The following STPG2 variants were observed in gnomAD, a reference collection of about 807,000 sequenced individuals.
The protein encoded by STPG2 is sperm-tail PG-rich repeat-containing protein 2.
A neutral mutation model predicts 54.2 loss-of-function variants in STPG2; 56 were observed. The ratio of observed to expected loss-of-function variants is 1.03; its 90% confidence interval spans 0.83 to 1.29. The LOEUF is 1.29. Among genes scored for constraint, STPG2 ranks in the 50% most tolerant of loss-of-function variants. The pLI is 0.00. For missense variants in STPG2, 596 were observed against 544.9 expected, an observed-to-expected ratio of 1.09 and a Z score of -0.93; for synonymous variants, 200 against 181.8, an observed-to-expected ratio of 1.10 and a Z score of -0.81.
chr4:97,795,107 C>G (rs1281506659), intron 9 of STPG2, among the ~76,000 whole-genome samples: 1 of 152,056 alleles, frequency 6.6e-6, no homozygotes, highest in Admixed American at 6.6e-5. Flanking sequence ...TTCCTTGATT[C>G]TCTGAATTTC....
At chr4:97,502,569 C>A (rs1730748695) in intron 4 of STPG2, among the ~76,000 whole-genome samples, 1 of 151,006 alleles carries the variant, frequency 6.6e-6, no homozygotes, top group African/African-American at 2.4e-5. Flanking sequence ...TAAATCCAGA[C>A]AAACAAAAGA....
intron 10 of STPG2, among the ~76,000 whole-genome samples, chr4:97,708,415 G>A (rs1724017354): frequency 6.6e-6 from 1 of 151,846 alleles, no homozygotes; most frequent in Non-Finnish European, 1.5e-5. Context: ...GAAGTAAAGG[G>A]AAATATGGCT....
At chr4:97,529,876 A>G (rs1731375445) in intron 4 of STPG2, among the ~76,000 whole-genome samples, 1 of 152,110 alleles carries the variant, frequency 6.6e-6, no homozygotes. Context: ...TTCCTCAAAG[A>G]GACTTTTCAT....
chr4:97,567,368 G>A (rs1732480523), intron 10 of STPG2, among the ~76,000 whole-genome samples: 1 of 150,678 alleles, frequency 6.6e-6, no homozygotes, highest in Non-Finnish European at 1.5e-5. Context: ...TTGCTGGTGA[G>A]AATGCAAATT....
chr4:97,901,300 G>T (rs1311190737), intron 8 of STPG2, among the ~76,000 whole-genome samples: 1 of 151,762 alleles, frequency 6.6e-6, no homozygotes, highest in East Asian at 1.9e-4. Flanking sequence ...TGCCCACTTT[G>T]CCACTTCAAT....
chr4:98,040,280 C>T (rs1439729146), intron 5 of STPG2, among the ~76,000 whole-genome samples: 1 of 151,926 alleles, frequency 6.6e-6, no homozygotes, highest in African/African-American at 2.4e-5. Flanking sequence ...TGTCTGTTCA[C>T]TCTGTTGATT....
intron 10 of STPG2, among the ~76,000 whole-genome samples, chr4:97,692,059 C>G (rs1456404658): frequency 6.6e-6 from 1 of 152,120 alleles, no homozygotes; most frequent in African/African-American, 2.4e-5. Flanking sequence ...GATTTTCCCT[C>G]TGATATAGTC....
At chr4:97,560,745 A>AC (rs1343254657) in intron 10 of STPG2, among the ~76,000 whole-genome samples, 4 of 152,202 alleles carry the variant, frequency 2.6e-5, no homozygotes, top group African/African-American at 9.7e-5. Context: ...AGCCAGTACA[A>AC]CATAGTAAAG....
At chr4:97,533,146 G>T (rs1731453522) in intron 4 of STPG2, among the ~76,000 whole-genome samples, 1 of 152,124 alleles carries the variant, frequency 6.6e-6, no homozygotes, top group Non-Finnish European at 1.5e-5. Context: ...CTCCCAAAGT[G>T]CTGGGATTAC....
chr4:97,699,842 G>A (rs1332412773), intron 10 of STPG2, among the ~76,000 whole-genome samples: 1 of 152,190 alleles, frequency 6.6e-6, no homozygotes, highest in Non-Finnish European at 1.5e-5. Context: ...CATCAGTGGA[G>A]ACCATGGGCA....
chr4:97,716,394 C>A (rs59718653), intron 9 of STPG2, among the ~76,000 whole-genome samples: 4 of 152,244 alleles, frequency 2.6e-5, no homozygotes, highest in African/African-American at 9.6e-5. Context: ...AAGACACATG[C>A]ACACGTATGT....
rs3852122 is a variant in STPG2 at position 97,776,249 on chromosome 4, T to G, written c.1205-63435A>C. On this transcript the variant is annotated intron_variant, in intron 9 of 10. Coordinates refer to ENST00000295268, the MANE Select transcript of STPG2 (RefSeq NM_174952.3). ...TAGGAACATTATTATAAGTTAAACCTATAAGGTAGGCACTAATAGTATCAT... is the reference window on the plus strand; with the variant it reads ...TAGGAACATTATTATAAGTTAAACCGATAAGGTAGGCACTAATAGTATCAT... Among the ~76,000 whole-genome samples the G allele has an allele frequency of 7.9e-3, 1,200 of 152,064 alleles. 14 individuals are homozygous for G. The highest frequency in any genetic ancestry group is 0.027 in the African/African-American group (1,122 of 41,474).
intron 5 of STPG2, among the ~76,000 whole-genome samples, chr4:98,016,908 G>A (rs1735966147): frequency 6.6e-6 from 1 of 152,138 alleles, no homozygotes; most frequent in Admixed American, 6.6e-5. Flanking sequence ...GCTTCAGCAG[G>A]GAACATCCAT....
At chr4:97,598,078 T>G (rs1019758511) in intron 10 of STPG2, among the ~76,000 whole-genome samples, 1 of 151,766 alleles carries the variant, frequency 6.6e-6, no homozygotes, top group Admixed American at 6.6e-5. Flanking sequence ...TCAGTAGCAT[T>G]CTCATACACC....
chr4:97,881,334 T>C (rs1730367431), intron 8 of STPG2, among the ~76,000 whole-genome samples: 1 of 152,114 alleles, frequency 6.6e-6, no homozygotes, highest in African/African-American at 2.4e-5. Context: ...CTCTAAAAGG[T>C]AAAAATGTTA....
chr4:97,861,528 T>G (rs538016698), intron 8 of STPG2, among the ~76,000 whole-genome samples: 1 of 152,208 alleles, frequency 6.6e-6, no homozygotes, highest in Admixed American at 6.6e-5. Context: ...AAGAAATCAG[T>G]ATATCAAAGA....
intron 9 of STPG2, among the ~76,000 whole-genome samples, chr4:97,779,341 G>A (rs1220659673): frequency 6.6e-6 from 1 of 152,052 alleles, no homozygotes; most frequent in Non-Finnish European, 1.5e-5. Flanking sequence ...AGTGATTGAA[G>A]ATCAAATGAA....
intron 9 of STPG2, among the ~76,000 whole-genome samples, chr4:97,773,462 C>T (rs542073796): frequency 6.6e-6 from 1 of 152,134 alleles, no homozygotes; most frequent in African/African-American, 2.4e-5. Context: ...TAAGTGCATG[C>T]CCCCATGCCT....
chr4:97,609,785 T>C (rs1051168783), intron 10 of STPG2, among the ~76,000 whole-genome samples: 8 of 152,002 alleles, frequency 5.3e-5, no homozygotes, highest in African/African-American at 1.2e-4. Flanking sequence ...GATTAAATCA[T>C]GTAAGAATTT....
Sources: allele counts gnomAD v4.1 joint callset (sites outside exome capture counted in the v4.1 genomes callset), GRCh38; gene constraint gnomAD v4.1.1; transcripts MANE v1.5; gene names NCBI Gene and HGNC (gene_info 2026-07-23, HGNC 2026-07-21).